YAF2: variants seen among roughly 807,000 people sequenced by gnomAD.
YAF2 encodes YY1-associated factor 2.
Under a neutral mutation model 20.1 loss-of-function variants are expected in YAF2, and 7 were observed. The ratio of observed to expected loss-of-function variants is 0.35; its 90% CI spans 0.20 to 0.65. The LOEUF (loss-of-function observed/expected upper bound fraction) is 0.65, where lower values mean the gene tolerates loss of function less well. YAF2 is among the 30% of genes least tolerant of loss of function. The probability of loss-of-function intolerance (pLI) is 0.69; values close to 1 mark genes in which losing one functional copy is unlikely to be tolerated. For missense variants in YAF2, 151 were observed against 219.2 expected (o/e 0.69, Z 1.96); for synonymous variants, 74 against 76.0 (o/e 0.97, Z 0.14).
chr12:42,234,978 A>G, intron 2 of YAF2: 1 of 983,458 alleles, frequency 1.0e-6, no homozygotes, highest in African/African-American at 1.7e-5. Flanking sequence ...ACAGAATGAG[A>G]TCTTATCTCA....
intron 3 of YAF2, 83 bp downstream of exon 3, chr12:42,161,530 T>C: frequency 7.2e-7 from 1 of 1,390,786 alleles, no homozygotes; most frequent in South Asian, 1.7e-5. Flanking sequence ...TACTTCCACT[T>C]TGTGTATATT....
At position 42,186,010 on chromosome 12, in the gene YAF2, G is replaced by A. The variant is rs147494755; in HGVS notation, c.153-24245C>T. ...GAGGTCAGGAGTTCGAGACCAGCCTGACCAACGTGGTGAAACCCCTAAAAT... is the reference window on the plus strand; with the variant it reads ...GAGGTCAGGAGTTCGAGACCAGCCTAACCAACGTGGTGAAACCCCTAAAAT... On this transcript the variant is annotated intron_variant, in intron 2 of 3. Coordinates refer to ENST00000534854, the MANE Select transcript of YAF2 (RefSeq NM_005748.6). Among the ~76,000 whole-genome samples the A allele has an allele frequency of 6.2e-3, 945 of 152,118 alleles. 7 individuals are homozygous for A. The highest frequency in any genetic ancestry group is 0.021 in the African/African-American group (891 of 41,504).
intron 2 of YAF2, among the ~76,000 whole-genome samples, chr12:42,197,524 C>T (rs903114858): frequency 6.6e-6 from 1 of 152,136 alleles, no homozygotes; most frequent in Non-Finnish European, 1.5e-5. Context: ...GCACTAACTA[C>T]GTAGGGAAAT....
In YAF2 at chr12:42,158,876, T is replaced by A. The variant is rs1460305081; in HGVS notation, c.*1713A>T. 3 of 152,192 alleles carry A rather than the reference T, an allele frequency of 2.0e-5. No homozygotes were observed. The highest frequency in any genetic ancestry group is 2.9e-5 in the Non-Finnish European group (2 of 68,018). The allele number at this position is 152,192 out of a possible 1,614,324, so 9.4% of individuals were successfully genotyped here. ...CCCTATTACATTTTTAAATTTTTAC[T>A]ATCTCCAAAAATGTATAAAACATTT... On this transcript the variant is annotated 3_prime_UTR_variant, in exon 4 of 4. Transcript: ENST00000534854.
intron 2 of YAF2, among the ~76,000 whole-genome samples, chr12:42,204,279 C>A (rs73281880): frequency 6.6e-6 from 1 of 152,278 alleles, no homozygotes; most frequent in East Asian, 1.9e-4. Context: ...AAGTATCACA[C>A]GACCCAGCAA....
At chr12:42,226,292 CATAACA>C (rs1054197858) in intron 2 of YAF2, among the ~76,000 whole-genome samples, 3 of 152,152 alleles carry the variant, frequency 2.0e-5, no homozygotes, top group Non-Finnish European at 2.9e-5. Context: ...CAAATGAGAT[CATAACA>C]ATATTATACA....
chr12:42,218,185 A>AACACACACACAC lies in YAF2; in HGVS notation c.152+19402_152+19413dup, dbSNP rs71883885. 2.8e-3 allele frequency among the ~76,000 whole-genome samples: 387 copies of AACACACACACAC among 140,684 alleles called. 3 individuals carry two copies. Among genetic ancestry groups the AACACACACACAC allele is most frequent in the Non-Finnish European group, 3.5e-3 (227 of 64,610 alleles). 92.3% of individuals were successfully genotyped at this position (140,684 alleles called of 152,430 possible). ...GACAGTCTACATCAGGCTACTAGGAAACACACACACACACACACACACACA... is the reference window on the plus strand; with the variant it reads ...GACAGTCTACATCAGGCTACTAGGAAACACACACACACACACACACACACACACACACACACA... On this transcript the variant is annotated intron_variant, in intron 2 of 3. Transcript: ENST00000534854.
At chr12:42,238,025 C>T in intron 1 of YAF2, 130 bp downstream of exon 1, 1 of 764,394 alleles carries the variant, frequency 1.3e-6, no homozygotes. Flanking sequence ...AGCGGCAGCA[C>T]TCGCACACCA....
intron 2 of YAF2, chr12:42,205,768 G>T: frequency 1.3e-5 from 3 of 224,022 alleles, no homozygotes; most frequent in Non-Finnish European, 1.9e-5. Flanking sequence ...TTTTTAAATT[G>T]AAGAGCTGGC....
intron 2 of YAF2, among the ~76,000 whole-genome samples, chr12:42,221,444 G>A (rs1037509994): frequency 4.3e-5 from 6 of 138,852 alleles, no homozygotes; most frequent in African/African-American, 8.5e-5. Context: ...GATGGAGCAC[G>A]CCTGTAGTCC....
chr12:42,175,018 C>A (rs7970115), intron 2 of YAF2, among the ~76,000 whole-genome samples: 105,842 of 152,050 alleles, frequency 0.7, 37,910 homozygotes, highest in African/African-American at 0.86. Context: ...AGGCATTTCC[C>A]TTTCAATATA....
intron 2 of YAF2, among the ~76,000 whole-genome samples, chr12:42,228,147 G>C (rs2067815304): frequency 6.0e-5 from 2 of 33,132 alleles, no homozygotes; most frequent in African/African-American, 2.5e-4. Flanking sequence ...GGAGGGAGGT[G>C]GGGGGGGTCG....
intron 2 of YAF2, among the ~76,000 whole-genome samples, chr12:42,214,567 C>T (rs562070841): frequency 1.3e-5 from 2 of 152,192 alleles, no homozygotes; most frequent in East Asian, 3.9e-4. Flanking sequence ...CCGCCATGCC[C>T]GGCCTCCTCT....
rs562493005 is a variant in YAF2, at chr12:42,171,511, A to G, written c.153-9746T>C. 4.9e-3 allele frequency among the ~76,000 whole-genome samples: 390 copies of G among 79,342 alleles called. 2 individuals are homozygous for G. Among genetic ancestry groups the G allele is most frequent in the Non-Finnish European group, 6.9e-3 (283 of 41,244 alleles). The allele number at this position is 79,342 out of a possible 152,430, so 52.1% of individuals were successfully genotyped here. A position where few individuals can be genotyped will look rare whatever the true frequency, so the allele number is the denominator to read the frequency against. ...GGTATGACCCCATCTCTTTAAATTAAAAAAAAAAGAAAGAAAGAAAGAAAT... is the reference window on the plus strand; with the variant it reads ...GGTATGACCCCATCTCTTTAAATTAGAAAAAAAAGAAAGAAAGAAAGAAAT... On this transcript the variant is annotated intron_variant, in intron 2 of 3. Transcript: ENST00000534854.
chr12:42,179,913 T>C (rs866460793), intron 2 of YAF2, among the ~76,000 whole-genome samples: 10 of 152,072 alleles, frequency 6.6e-5, no homozygotes, highest in South Asian at 4.2e-4. Context: ...TACTCACTAA[T>C]AAACCATGCC....
In YAF2 at chr12:42,222,607, T is replaced by A. The variant is rs148042198; in HGVS notation, c.152+14992A>T. On this transcript the variant is annotated intron_variant, in intron 2 of 3. Transcript: ENST00000534854. ...ACGGCAGGATTGTTAAATTTATATA[T>A]ATTCAATACTTGAAAAATCATCCCA... Among the ~76,000 whole-genome samples the A allele has an allele frequency of 5.0e-4, 76 of 152,296 alleles. 2 individuals carry two copies. The highest frequency in any genetic ancestry group is 1.8e-3 in the African/African-American group (75 of 41,570).
chr12:42,232,523 C>T, intron 2 of YAF2: 4 of 985,390 alleles, frequency 4.1e-6, no homozygotes, highest in Non-Finnish European at 4.8e-6. Context: ...AGTAAGAAAT[C>T]TCCTAGAATA....
chr12:42,182,975 C>A (rs2066382286), intron 2 of YAF2, among the ~76,000 whole-genome samples: 1 of 151,310 alleles, frequency 6.6e-6, no homozygotes, highest in Non-Finnish European at 1.5e-5. Context: ...GCTATTGGCG[C>A]CATTTTTCCA....
chr12:42,169,736 A>G (rs1407115971), intron 2 of YAF2, among the ~76,000 whole-genome samples: 1 of 152,082 alleles, frequency 6.6e-6, no homozygotes, highest in African/African-American at 2.4e-5. Flanking sequence ...TTCATGTTGA[A>G]TACAAGCATT....
Sources: gnomAD v4.1 joint callset for allele counts (sites outside exome capture counted in the v4.1 genomes callset) on GRCh38, gnomAD v4.1.1 for gene constraint, MANE v1.5 for transcripts, NCBI Gene and HGNC (gene_info 2026-07-23, HGNC 2026-07-21) for gene names.